The following CFTR variants were observed in gnomAD, a reference collection of about 807,000 sequenced individuals.
CFTR encodes cystic fibrosis transmembrane conductance regulator.
In CFTR, 181 loss-of-function variants were observed where a neutral mutation model predicts 171.6. The observed-to-expected ratio is 1.05, with a 90% confidence interval of 0.93 to 1.19. The LOEUF (loss-of-function observed/expected upper bound fraction) is 1.19. Ranked by LOEUF, CFTR falls within the 50% of genes most tolerant of loss-of-function variation. CFTR has a pLI of 0.00. For missense variants in CFTR, 1,968 were observed against 1,734.7 expected, an observed-to-expected ratio of 1.13 and a Z score of -2.39; for synonymous variants, 583 against 608.0, an observed-to-expected ratio of 0.96 and a Z score of 0.60.
intron 26 of CFTR, 75 bp from the exon 27 acceptor site, chr7:117,666,833 C>A: frequency 8.0e-7 from 1 of 1,254,994 alleles, no homozygotes; most frequent in Non-Finnish European, 1.2e-6. Flanking sequence ...TTCCTTTGAG[C>A]CTGTGCCAGT....
intron 2 of CFTR, among the ~76,000 whole-genome samples, chr7:117,507,832 C>T (rs917727625): frequency 6.6e-6 from 1 of 152,186 alleles, no homozygotes; most frequent in Non-Finnish European, 1.5e-5. Flanking sequence ...CGCTGTGTCA[C>T]CCAGGCTGGA....
intron 24 of CFTR, among the ~76,000 whole-genome samples, chr7:117,664,463 A>T (rs191698902): frequency 6.6e-6 from 1 of 152,214 alleles, no homozygotes; most frequent in African/African-American, 2.4e-5. Context: ...AAAGTTTCCT[A>T]ATGAATGAAG....
At chr7:117,515,501 A>G (rs1263568383) in intron 3 of CFTR, among the ~76,000 whole-genome samples, 2 of 152,150 alleles carry the variant, frequency 1.3e-5, no homozygotes, top group East Asian at 1.9e-4. Flanking sequence ...GTTCTGCACC[A>G]TTGGTCTATA....
Position 117,540,417 on chromosome 7 carries a change from T to A in CFTR, c.1116+71T>A, listed in dbSNP as rs1440561563. Reference sequence around the variant, plus strand: ...AGTCAATAGATCAGTTCTAATGAACTTTGCAAAAATGTGCGAAAAGATAGA... The same window carrying A: ...AGTCAATAGATCAGTTCTAATGAACATTGCAAAAATGTGCGAAAAGATAGA... On this transcript the variant is annotated intron_variant, in intron 8 of 26. Transcript: ENST00000003084. The A allele has an allele frequency of 4.2e-6, 6 of 1,441,450 alleles. No homozygotes were observed. The African/African-American group carries it at 7.1e-5, about 17-fold the overall frequency. 89.3% of individuals were successfully genotyped at this position (1,441,450 alleles called of 1,614,324 possible). A position where few individuals can be genotyped will look rare whatever the true frequency, so the allele number is the denominator to read the frequency against.
chr7:117,588,301 A>G (rs1317638154), intron 12 of CFTR, among the ~76,000 whole-genome samples: 1 of 152,136 alleles, frequency 6.6e-6, no homozygotes, highest in African/African-American at 2.4e-5. Flanking sequence ...AAAATCTATA[A>G]TATTTAAAAT....
chr7:117,592,926 A>C (rs1048789540), intron 14 of CFTR, among the ~76,000 whole-genome samples: 4 of 152,248 alleles, frequency 2.6e-5, no homozygotes, highest in African/African-American at 7.2e-5. Flanking sequence ...AACTGTGACT[A>C]TAAGTTAGAA....
chr7:117,573,097 A>C (rs1193703357), intron 11 of CFTR, among the ~76,000 whole-genome samples: 1 of 151,790 alleles, frequency 6.6e-6, no homozygotes, highest in Non-Finnish European at 1.5e-5. Flanking sequence ...GCAACACCCT[A>C]TATCATTGCC....
At chr7:117,626,670 T>C (rs1276330398) in intron 21 of CFTR, among the ~76,000 whole-genome samples, 1 of 152,092 alleles carries the variant, frequency 6.6e-6, no homozygotes, top group Non-Finnish European at 1.5e-5. Context: ...GTATATTCAT[T>C]CCTTTATTCA....
chr7:117,486,819 T>C (rs1283884957), intron 1 of CFTR, among the ~76,000 whole-genome samples: 4 of 144,716 alleles, frequency 2.8e-5, no homozygotes, highest in African/African-American at 1.0e-4. Flanking sequence ...TCATATACTG[T>C]TGCAGTTTTG....
chr7:117,617,794 C>G (rs1792516949), intron 21 of CFTR, among the ~76,000 whole-genome samples: 1 of 152,102 alleles, frequency 6.6e-6, no homozygotes, highest in African/African-American at 2.4e-5. Context: ...AGCTACTACC[C>G]CATTTCTTTG....
intron 22 of CFTR, among the ~76,000 whole-genome samples, chr7:117,634,942 A>AT (rs1165256880): frequency 6.6e-6 from 1 of 152,106 alleles, no homozygotes; most frequent in Non-Finnish European, 1.5e-5. Context: ...TGAATGAGGT[A>AT]GTCTATAGAC....
chr7:117,511,272 T>G (rs564832830), intron 3 of CFTR, among the ~76,000 whole-genome samples: 8 of 152,224 alleles, frequency 5.3e-5, no homozygotes, highest in Non-Finnish European at 1.2e-4. Flanking sequence ...GGGGAGGAAC[T>G]GTATGAAATC....
chr7:117,501,641 G>A (rs1798327808), intron 1 of CFTR, among the ~76,000 whole-genome samples: 1 of 150,148 alleles, frequency 6.7e-6, no homozygotes, highest in Non-Finnish European at 1.5e-5. Flanking sequence ...CAGCTACTCA[G>A]GAGGCTGAGG....
chr7:117,649,277 G>GGT lies in CFTR; in HGVS notation c.3874-3565_3874-3564insGT, dbSNP rs1562925090. On this transcript the variant is annotated intron_variant, in intron 23 of 26. Transcript: ENST00000003084. ...CACATTTTAATAGAATTATACATGG[G>GGT]ATGTGTGTGTGTGTGTGTGTGTGTG... is the stretch of plus-strand genomic sequence containing the variant. 8.6e-3 allele frequency among the ~76,000 whole-genome samples: 1,255 copies of GGT among 146,090 alleles called. 16 individuals carry two copies. Among genetic ancestry groups the GGT allele is most frequent in the African/African-American group, 0.024 (941 of 39,430 alleles).
At chr7:117,607,422 G>A (rs1276255484) in intron 18 of CFTR, among the ~76,000 whole-genome samples, 1 of 152,126 alleles carries the variant, frequency 6.6e-6, no homozygotes, top group African/African-American at 2.4e-5. Context: ...GGAGGTGAAA[G>A]TGACCTTGGG....
At chr7:117,511,201 G>A (rs2116644589) in intron 3 of CFTR, among the ~76,000 whole-genome samples, 1 of 152,228 alleles carries the variant, frequency 6.6e-6, no homozygotes, top group Non-Finnish European at 1.5e-5. Context: ...CACTTCAGGG[G>A]CAAATCTGAA....
rs945693639 is a variant in CFTR, at chr7:117,668,107, A to C, written c.*999A>C. 6.6e-6 allele frequency: 1 copy of C among 152,160 alleles called. No individual in the cohort carries two copies. Among genetic ancestry groups the C allele is most frequent in the Non-Finnish European group, 1.5e-5 (1 of 68,032 alleles). The allele number at this position is 152,160 out of a possible 1,614,324, so 9.4% of individuals were successfully genotyped here. A position where few individuals can be genotyped will look rare whatever the true frequency, so the allele number is the denominator to read the frequency against. ...TGATGGTGGTATGTTTTCAGGCTAG[A>C]TGTATGTACTTCATGCTGTCTACAC... is the stretch of plus-strand genomic sequence containing the variant. On this transcript the variant is annotated 3_prime_UTR_variant, in exon 27 of 27. Coordinates refer to ENST00000003084, the MANE Select transcript of CFTR (RefSeq NM_000492.4).
chr7:117,557,972 A>G (rs1562897825), intron 10 of CFTR, among the ~76,000 whole-genome samples: 1 of 152,198 alleles, frequency 6.6e-6, no homozygotes, highest in South Asian at 2.1e-4. Context: ...AATGTACATA[A>G]CATAAAATTT....
chr7:117,546,258 C>T (rs1204955705), intron 9 of CFTR, among the ~76,000 whole-genome samples: 1 of 152,018 alleles, frequency 6.6e-6, no homozygotes, highest in African/African-American at 2.4e-5. Flanking sequence ...TCCCAAAGTG[C>T]TGGGATTACA....
Sources: allele counts gnomAD v4.1 joint callset (sites outside exome capture counted in the v4.1 genomes callset), GRCh38; gene constraint gnomAD v4.1.1; transcripts MANE v1.5; gene names NCBI Gene and HGNC (gene_info 2026-07-23, HGNC 2026-07-21).